The following PHIP variants were observed in gnomAD, a reference collection of about 807,000 sequenced individuals.
The protein encoded by PHIP is PHIP subunit of CUL4-Ring ligase complex, also known as PH-interacting protein.
A neutral mutation model predicts 236.8 loss-of-function variants in PHIP; 54 were observed. The observed-to-expected ratio is 0.23, with a 90% CI of 0.18 to 0.29. PHIP has a LOEUF of 0.29. Among genes scored for constraint, PHIP ranks in the 10% least tolerant of loss-of-function variants. The pLI is 1.00. For missense variants in PHIP, 1,370 were observed against 2,190.8 expected, an observed-to-expected ratio of 0.63 and a Z score of 7.48; for synonymous variants, 756 against 718.9, an observed-to-expected ratio of 1.05 and a Z score of -0.83.
At chr6:78,990,440 T>A (rs190099057) in intron 20 of PHIP, among the ~76,000 whole-genome samples, 1 of 152,128 alleles carries the variant, frequency 6.6e-6, no homozygotes, top group Non-Finnish European at 1.5e-5. Flanking sequence ...CCTCTCTTAA[T>A]GAAGAAAATG....
At chr6:79,059,653 T>G in intron 6 of PHIP, among the ~76,000 whole-genome samples, 1 of 125,844 alleles carries the variant, frequency 7.9e-6, no homozygotes, top group African/African-American at 3.2e-5. Flanking sequence ...TCATATAAAC[T>G]TACGATCTGT....
chr6:79,024,759 C>A lies in PHIP; in HGVS notation c.923+760G>T, dbSNP rs1057513030. Among the ~76,000 whole-genome samples, 3 of 152,146 alleles carry A rather than the reference C, an allele frequency of 2.0e-5. No individual in the cohort carries two copies. The South Asian group carries it at 6.2e-4, about 32-fold the overall frequency. On this transcript the variant is annotated intron_variant, in intron 9 of 39. Transcript: ENST00000275034. ...GGCAGAGCTTGCAGTGAGCTGAGATCGCGACACTGCAATCCAGCCTGGGCG... is the reference window on the plus strand; with the variant it reads ...GGCAGAGCTTGCAGTGAGCTGAGATAGCGACACTGCAATCCAGCCTGGGCG...
chr6:79,032,933 A>G (rs1482907801), intron 7 of PHIP, among the ~76,000 whole-genome samples: 2 of 152,122 alleles, frequency 1.3e-5, no homozygotes, highest in Non-Finnish European at 2.9e-5. Context: ...TTACTCCTTG[A>G]TCCACAGGCT....
chr6:79,031,814 T>C (rs1028164481), intron 7 of PHIP, among the ~76,000 whole-genome samples: 3 of 152,216 alleles, frequency 2.0e-5, no homozygotes, highest in Non-Finnish European at 2.9e-5. Flanking sequence ...CTGGATTTCT[T>C]ACTATAAGCA....
chr6:79,008,382 A>G (rs1770408360), intron 15 of PHIP, among the ~76,000 whole-genome samples: 1 of 152,124 alleles, frequency 6.6e-6, no homozygotes. Flanking sequence ...TATTATATAA[A>G]AGTGATTCTG....
At chr6:79,044,528 G>A (rs1265500468) in intron 6 of PHIP, among the ~76,000 whole-genome samples, 1 of 152,078 alleles carries the variant, frequency 6.6e-6, no homozygotes, top group Non-Finnish European at 1.5e-5. Flanking sequence ...CCTGCCAAAT[G>A]AGAATTAAAA....
At chr6:79,067,314 G>A (rs1773672452) in intron 4 of PHIP, among the ~76,000 whole-genome samples, 1 of 152,200 alleles carries the variant, frequency 6.6e-6, no homozygotes, top group Non-Finnish European at 1.5e-5. Context: ...CAGGAGGCTA[G>A]TCAGAGCTTT....
chr6:79,015,282 A>C, intron 14 of PHIP, 66 bp from the exon 15 acceptor site: 1 of 1,255,440 alleles, frequency 8.0e-7, no homozygotes, highest in Non-Finnish European at 1.2e-6. Flanking sequence ...AAACATAATG[A>C]AATACCAATA....
chr6:79,057,000 T>G (rs1213589457), intron 6 of PHIP, among the ~76,000 whole-genome samples: 1 of 152,180 alleles, frequency 6.6e-6, no homozygotes. Context: ...ACAGGTATTA[T>G]TTATTAAACG....
Position 79,036,916 on chromosome 6 carries a change from C to T in PHIP, c.600+5927G>A, listed in dbSNP as rs1332912875. On this transcript the variant is annotated intron_variant, in intron 7 of 39. Transcript: ENST00000275034. ...CAGCCTAGGTGACAGAGCAAGACTC[C>T]GTCTCAAAAAAAAAAAAAAAAAAAA... Among the ~76,000 whole-genome samples, 281 of 98,692 alleles carry T rather than the reference C, an allele frequency of 2.8e-3. 1 individual carries two copies. The highest frequency in any genetic ancestry group is 8.8e-3 in the African/African-American group (219 of 25,002). 64.7% of individuals were successfully genotyped at this position (98,692 alleles called of 152,430 possible).
chr6:79,007,275 T>G (rs764329315), intron 15 of PHIP, among the ~76,000 whole-genome samples: 1 of 152,114 alleles, frequency 6.6e-6, no homozygotes, highest in African/African-American at 2.4e-5. Flanking sequence ...GATGAATGAT[T>G]AGACAGAGGA....
At chr6:79,052,290 T>C (rs1242044913) in intron 6 of PHIP, among the ~76,000 whole-genome samples, 1 of 152,070 alleles carries the variant, frequency 6.6e-6, no homozygotes, top group Non-Finnish European at 1.5e-5. Flanking sequence ...ATATTCCAGG[T>C]TGAGGAAACA....
At chr6:79,044,441 TAA>T (rs1719177562) in intron 6 of PHIP, among the ~76,000 whole-genome samples, 1 of 152,156 alleles carries the variant, frequency 6.6e-6, no homozygotes, top group African/African-American at 2.4e-5. Flanking sequence ...AATGGCCTGG[TAA>T]AAGACATCCT....
chr6:78,979,486 T>C (rs926926546), intron 23 of PHIP, among the ~76,000 whole-genome samples: 3 of 152,014 alleles, frequency 2.0e-5, no homozygotes, highest in African/African-American at 7.2e-5. Context: ...TCATAGGAGT[T>C]GAGTAGTGCA....
intron 25 of PHIP, among the ~76,000 whole-genome samples, chr6:78,970,451 A>T (rs1183017042): frequency 1.3e-5 from 2 of 152,166 alleles, no homozygotes; most frequent in African/African-American, 4.8e-5. Context: ...CATTCCAAAG[A>T]CCTATTGGTA....
chr6:78,986,822 T>C (rs1194172801), intron 21 of PHIP, among the ~76,000 whole-genome samples: 1 of 152,188 alleles, frequency 6.6e-6, no homozygotes, highest in Non-Finnish European at 1.5e-5. Context: ...CATTTGCATA[T>C]TTTATTAACA....
At chr6:78,978,508 T>C in intron 24 of PHIP, 84 bp downstream of exon 24, 1 of 1,109,204 alleles carries the variant, frequency 9.0e-7, no homozygotes, top group Non-Finnish European at 1.3e-6. Flanking sequence ...CTGCTTCTAT[T>C]TTCCAGAAGT....
At chr6:79,038,151 A>G (rs1300035637) in intron 7 of PHIP, among the ~76,000 whole-genome samples, 1 of 152,190 alleles carries the variant, frequency 6.6e-6, no homozygotes, top group African/African-American at 2.4e-5. Flanking sequence ...TTTTGGTCTT[A>G]GTCTGTTGGA....
intron 6 of PHIP, among the ~76,000 whole-genome samples, chr6:79,046,085 C>G (rs540463783): frequency 1.3e-5 from 2 of 152,112 alleles, no homozygotes; most frequent in Admixed American, 6.6e-5. Flanking sequence ...CAGCCTAAGA[C>G]GGCCCTGCAG....
Sources: allele counts gnomAD v4.1 joint callset (sites outside exome capture counted in the v4.1 genomes callset), GRCh38; gene constraint gnomAD v4.1.1; transcripts MANE v1.5; gene names NCBI Gene and HGNC (gene_info 2026-07-23, HGNC 2026-07-21).